NAALADL2: variants seen among roughly 807,000 people sequenced by gnomAD.
The protein encoded by NAALADL2 is inactive N-acetylated-alpha-linked acidic dipeptidase-like protein 2.
Under a neutral mutation model 87.2 loss-of-function variants are expected in NAALADL2, and 76 were observed. The ratio of observed to expected loss-of-function variants is 0.87; its 90% confidence interval spans 0.72 to 1.05. The LOEUF is 1.05. Among genes scored for constraint, NAALADL2 ranks in the 50% least tolerant of loss-of-function variants. The probability of loss-of-function intolerance (pLI) is 0.00; values close to 1 mark genes in which losing one functional copy is unlikely to be tolerated. For synonymous variants in NAALADL2, 354 were observed against 331.0 expected, an observed-to-expected ratio of 1.07 and a Z score of -0.75; for missense variants, 1,089 against 945.8, an observed-to-expected ratio of 1.15 and a Z score of -1.99.
rs191335046 is a variant in NAALADL2 at position 175,209,301 on chromosome 3, G to C, written c.546-24630G>C. Among the ~76,000 whole-genome samples the C allele has an allele frequency of 5.9e-5, 9 of 152,184 alleles. No individual in the cohort carries two copies. The East Asian group carries it at 1.7e-3, about 29-fold the overall frequency. On this transcript the variant is annotated intron_variant, in intron 2 of 13. Transcript: ENST00000454872. ...AGCAGAAAAAAAAGCATTTAGTTCA[G>C]TGCAGAGTCTGGAAGTGATGCTATA...
chr3:174,441,382 C>T (rs1460414849), intron 1 of NAALADL2, among the ~76,000 whole-genome samples: 1 of 152,192 alleles, frequency 6.6e-6, no homozygotes, highest in Non-Finnish European at 1.5e-5. Flanking sequence ...AGGAGCGTAG[C>T]AGCTCCGAGT....
At chr3:175,145,500 C>T (rs73041375) in intron 2 of NAALADL2, among the ~76,000 whole-genome samples, 6 of 152,102 alleles carry the variant, frequency 3.9e-5, no homozygotes, top group African/African-American at 9.6e-5. Flanking sequence ...TGAAACTTAT[C>T]GGAAAGAAAA....
At chr3:175,613,184 A>G (rs902516381) in intron 10 of NAALADL2, among the ~76,000 whole-genome samples, 3 of 152,194 alleles carry the variant, frequency 2.0e-5, no homozygotes, top group African/African-American at 7.2e-5. Flanking sequence ...AAAGGAGAGA[A>G]GCTAAAGAGA....
At chr3:175,698,473 GTATATATATTTA>G (rs1465324614) in intron 11 of NAALADL2, among the ~76,000 whole-genome samples, 1 of 82,092 alleles carries the variant, frequency 1.2e-5, no homozygotes, top group Admixed American at 1.0e-4. Context: ...ATATATGTGT[GTATATATATTTA>G]TATATATATA....
chr3:175,459,679 G>A (rs374094577), intron 6 of NAALADL2, among the ~76,000 whole-genome samples: 9 of 152,110 alleles, frequency 5.9e-5, no homozygotes, highest in African/African-American at 2.2e-4. Context: ...ACTAGGAGGA[G>A]ACAATCTCTC....
chr3:174,826,287 A>G (rs1721987333), intron 3 of NAALADL2, among the ~76,000 whole-genome samples: 1 of 152,218 alleles, frequency 6.6e-6, no homozygotes, highest in Non-Finnish European at 1.5e-5. Context: ...GTGGCAGTAG[A>G]GATAAATGGT....
chr3:174,882,678 T>TATACACATATGTGC (rs1560319044), intron 1 of NAALADL2, among the ~76,000 whole-genome samples: 4 of 121,622 alleles, frequency 3.3e-5, no homozygotes, highest in African/African-American at 1.9e-4. Context: ...CACATATGTG[T>TATACACATATGTGC]ATATGTGTAT....
At chr3:175,685,252 C>T (rs1262311274) in intron 11 of NAALADL2, among the ~76,000 whole-genome samples, 2 of 152,254 alleles carry the variant, frequency 1.3e-5, no homozygotes, top group East Asian at 3.9e-4. Flanking sequence ...CTTAGCCATG[C>T]CCATCAGCTT....
At chr3:174,935,410 A>G (rs186331253) in intron 1 of NAALADL2, among the ~76,000 whole-genome samples, 1 of 152,324 alleles carries the variant, frequency 6.6e-6, no homozygotes, top group African/African-American at 2.4e-5. Context: ...ATTAAAAAGA[A>G]AAAAACAAAA....
chr3:174,721,404 A>G (rs1486875407), intron 2 of NAALADL2, among the ~76,000 whole-genome samples: 1 of 152,128 alleles, frequency 6.6e-6, no homozygotes, highest in Non-Finnish European at 1.5e-5. Context: ...TGAAGAGTCT[A>G]CCCTCCTGAA....
At chr3:175,546,585 A>T (rs1713376382) in intron 9 of NAALADL2, among the ~76,000 whole-genome samples, 1 of 152,068 alleles carries the variant, frequency 6.6e-6, no homozygotes, top group Non-Finnish European at 1.5e-5. Flanking sequence ...GTCTGGTGGT[A>T]ACAAATTTCA....
chr3:175,648,842 A>G (rs1036428485), intron 11 of NAALADL2, among the ~76,000 whole-genome samples: 10 of 152,224 alleles, frequency 6.6e-5, no homozygotes, highest in African/African-American at 9.6e-5. Context: ...TGCTTTTTCT[A>G]TAAGAAGAAA....
At chr3:174,594,443 G>A (rs1717679732) in intron 2 of NAALADL2, among the ~76,000 whole-genome samples, 1 of 152,286 alleles carries the variant, frequency 6.6e-6, no homozygotes, top group South Asian at 2.1e-4. Context: ...ATAATGCTTA[G>A]AATAATCTCT....
chr3:175,152,154 C>G (rs1731640042), intron 2 of NAALADL2, among the ~76,000 whole-genome samples: 1 of 151,948 alleles, frequency 6.6e-6, no homozygotes, highest in African/African-American at 2.4e-5. Flanking sequence ...GACAGTAATA[C>G]CAAAACTTTG....
At chr3:174,878,155 AATCT>A (rs1443082757) in intron 1 of NAALADL2, among the ~76,000 whole-genome samples, 4 of 152,126 alleles carry the variant, frequency 2.6e-5, no homozygotes, top group South Asian at 2.1e-4. Flanking sequence ...GTATAGGCAC[AATCT>A]ATCAAGACCT....
chr3:175,055,506 G>A (rs1185618390), intron 1 of NAALADL2, among the ~76,000 whole-genome samples: 1 of 152,216 alleles, frequency 6.6e-6, no homozygotes, highest in Non-Finnish European at 1.5e-5. Flanking sequence ...CAGCACTACT[G>A]GCTGTGGCAG....
chr3:174,453,853 A>C (rs1715645745), intron 1 of NAALADL2, among the ~76,000 whole-genome samples: 1 of 152,156 alleles, frequency 6.6e-6, no homozygotes, highest in Non-Finnish European at 1.5e-5. Context: ...CCACACAAAC[A>C]AGTCTGCATG....
At chr3:174,974,615 C>A (rs1744119701) in intron 1 of NAALADL2, among the ~76,000 whole-genome samples, 1 of 152,144 alleles carries the variant, frequency 6.6e-6, no homozygotes, top group South Asian at 2.1e-4. Context: ...AGAATGTATG[C>A]TACTACATGG....
At chr3:174,940,523 A>G (rs1738416209) in intron 1 of NAALADL2, among the ~76,000 whole-genome samples, 1 of 152,072 alleles carries the variant, frequency 6.6e-6, no homozygotes, top group Non-Finnish European at 1.5e-5. Flanking sequence ...TGCTGGCCTC[A>G]TAGACTGAGT....
Sources: allele counts gnomAD v4.1 joint callset (sites outside exome capture counted in the v4.1 genomes callset), GRCh38; gene constraint gnomAD v4.1.1; transcripts MANE v1.5; gene names NCBI Gene and HGNC (gene_info 2026-07-23, HGNC 2026-07-21).